NINJ2: variants seen among roughly 807,000 people sequenced by gnomAD.
NINJ2 encodes the protein ninjurin-2.
In NINJ2, 12 loss-of-function variants were observed where a neutral mutation model predicts 11.7. The observed-to-expected ratio is 1.02, with a 90% CI of 0.66 to 1.66. The LOEUF (loss-of-function observed/expected upper bound fraction) is 1.66. Among genes scored for constraint, NINJ2 ranks in the 40% most tolerant of loss-of-function variants. NINJ2 has a pLI of 0.00. For missense variants in NINJ2, 187 were observed against 181.8 expected (o/e 1.03, Z -0.16); for synonymous variants, 93 against 76.8 (o/e 1.21, Z -1.10).
intron 1 of NINJ2, among the ~76,000 whole-genome samples, chr12:631,361 T>A (rs916936930): frequency 6.6e-6 from 1 of 151,974 alleles, no homozygotes; most frequent in African/African-American, 2.4e-5. Context: ...GTTAAATTTT[T>A]ATTTATTTAT....
At chr12:603,851 G>A (rs1320674863) in intron 1 of NINJ2, among the ~76,000 whole-genome samples, 1 of 151,950 alleles carries the variant, frequency 6.6e-6, no homozygotes, top group Non-Finnish European at 1.5e-5. Flanking sequence ...AATAGAGACG[G>A]GGTTTTGCCA....
chr12:623,344 C>G (rs1043000561), intron 1 of NINJ2, among the ~76,000 whole-genome samples: 15 of 152,192 alleles, frequency 9.9e-5, no homozygotes, highest in African/African-American at 3.6e-4. Context: ...TCCCCCACTG[C>G]TACCCGAGCA....
chr12:656,157 G>A (rs1369907892), intron 1 of NINJ2, among the ~76,000 whole-genome samples: 1 of 151,826 alleles, frequency 6.6e-6, no homozygotes, highest in Non-Finnish European at 1.5e-5. Flanking sequence ...GAGGTCAAGA[G>A]ATCGAGACCA....
chr12:577,222 AG>A (rs897848582), intron 1 of NINJ2, among the ~76,000 whole-genome samples: 5 of 151,878 alleles, frequency 3.3e-5, no homozygotes, highest in African/African-American at 9.7e-5. Context: ...CTTATAAAGT[AG>A]GCTTTGTGTT....
chr12:574,508 A>G (rs1947425427), intron 1 of NINJ2, among the ~76,000 whole-genome samples: 1 of 151,444 alleles, frequency 6.6e-6, no homozygotes, highest in Non-Finnish European at 1.5e-5. Flanking sequence ...TTATGCCATT[A>G]TCATGGCAGT....
At chr12:577,794 C>T (rs962224902) in intron 1 of NINJ2, among the ~76,000 whole-genome samples, 3 of 152,000 alleles carry the variant, frequency 2.0e-5, no homozygotes, top group Non-Finnish European at 4.4e-5. Context: ...TGAGTTCAAG[C>T]GATTCTCCCA....
intron 1 of NINJ2, among the ~76,000 whole-genome samples, chr12:602,938 T>C (rs1947890801): frequency 6.6e-6 from 1 of 152,044 alleles, no homozygotes; most frequent in Admixed American, 6.6e-5. Flanking sequence ...GCTCAAGTGA[T>C]CCTCCCACCC....
At position 581,318 on chromosome 12, in the gene NINJ2, C is replaced by T. The variant is rs575358649; in HGVS notation, c.34-15140G>A. On this transcript the variant is annotated intron_variant, in intron 1 of 3. Transcript: ENST00000305108. The surrounding 1 kb of genome is among the most constrained non-coding windows in gnomAD (Gnocchi z 4.9). ...ACTGGTGCATTATCCGGAGGGAGCT[C>T]GGGGGGCCCAGGAGGTCAAGATAGA... Among the ~76,000 whole-genome samples the T allele has an allele frequency of 3.9e-5, 6 of 152,180 alleles. No homozygotes were observed. Among genetic ancestry groups the T allele is most frequent in the Non-Finnish European group, 8.8e-5 (6 of 67,998 alleles).
At chr12:648,159 C>T (rs1350965309) in intron 1 of NINJ2, among the ~76,000 whole-genome samples, 5 of 152,148 alleles carry the variant, frequency 3.3e-5, no homozygotes, top group African/African-American at 9.7e-5. Context: ...CTGCAACCTC[C>T]GCCTCCTGAG....
At chr12:568,637 C>G (rs550592704) in intron 1 of NINJ2, among the ~76,000 whole-genome samples, 64 of 152,340 alleles carry the variant, frequency 4.2e-4, no homozygotes, top group African/African-American at 1.5e-3. Context: ...TGACCACACT[C>G]CAGGCCATCA....
In NINJ2 at chr12:663,308, C is replaced by G; in HGVS notation, c.33+20G>C. ...CTCTACTCCCGGTCTCCCCTCTGCT[C>G]TCTTCCAGAGAGAACTTACTTGAAG... is the stretch of plus-strand genomic sequence containing the variant. On this transcript the variant is annotated intron_variant, in intron 1 of 3. Coordinates refer to ENST00000305108, the MANE Select transcript of NINJ2 (RefSeq NM_016533.6). 6.2e-7 allele frequency: 1 copy of G among 1,612,414 alleles called. No homozygotes were observed.
chr12:604,585 C>G (rs1947914698), intron 1 of NINJ2, among the ~76,000 whole-genome samples: 1 of 152,150 alleles, frequency 6.6e-6, no homozygotes, highest in Non-Finnish European at 1.5e-5. Flanking sequence ...CTGCAGTGAG[C>G]TGAGATGGCG....
At position 625,980 on chromosome 12, in the gene NINJ2, C is replaced by T. The variant is rs147095164; in HGVS notation, c.33+37348G>A. ...ATATGAAATAAACAGATATCATGAT[C>T]GGTGAGGGATTAGGCTGTAAGAGTT... On this transcript the variant is annotated intron_variant, in intron 1 of 3. Transcript: ENST00000305108. Among the ~76,000 whole-genome samples, 184 of 152,286 alleles carry T rather than the reference C, an allele frequency of 1.2e-3. 2 individuals carry two copies. The highest frequency in any genetic ancestry group is 4.3e-3 in the African/African-American group (180 of 41,562).
chr12:601,407 G>C (rs1288627907), intron 1 of NINJ2, among the ~76,000 whole-genome samples: 4 of 151,110 alleles, frequency 2.6e-5, no homozygotes, highest in African/African-American at 9.9e-5. Context: ...AATTAGCCAG[G>C]CGTGGTGGCG....
chr12:626,157 G>A (rs183763606), intron 1 of NINJ2, among the ~76,000 whole-genome samples: 35 of 152,344 alleles, frequency 2.3e-4, no homozygotes, highest in African/African-American at 8.2e-4. Flanking sequence ...CCCCAGTTCT[G>A]GGTAATGTTT....
chr12:645,836 C>T (rs1937668212), intron 1 of NINJ2: 1 of 152,182 alleles, frequency 6.6e-6, no homozygotes, highest in Admixed American at 6.5e-5. Flanking sequence ...AGTTTTATAG[C>T]TTCTGGATTT....
At chr12:642,903 C>G in intron 1 of NINJ2, 1 of 150,304 alleles carries the variant, frequency 6.7e-6, no homozygotes, top group East Asian at 1.9e-4. Context: ...CTGGCTTCCG[C>G]GGGCCCTGCG....
intron 1 of NINJ2, among the ~76,000 whole-genome samples, chr12:638,565 G>A (rs1375207799): frequency 2.0e-5 from 3 of 152,284 alleles, no homozygotes; most frequent in East Asian, 1.9e-4. Flanking sequence ...ACAGGCGCCC[G>A]CCACCACGCC....
At chr12:610,282 A>T in intron 1 of NINJ2, 1 of 1,378,428 alleles carries the variant, frequency 7.3e-7, no homozygotes, top group Non-Finnish European at 1.0e-6. Context: ...TCACCTGCCC[A>T]GTCCCCAGTG....
Sources: allele counts gnomAD v4.1 joint callset (sites outside exome capture counted in the v4.1 genomes callset), GRCh38; gene constraint gnomAD v4.1.1; non-coding constraint Gnocchi (gnomAD v3.1); transcripts MANE v1.5; gene names NCBI Gene and HGNC (gene_info 2026-07-23, HGNC 2026-07-21).